The following DNAH11 variants were observed in gnomAD, a reference collection of about 807,000 sequenced individuals.
DNAH11 encodes the protein dynein axonemal heavy chain 11, also known as axonemal beta dynein heavy chain 11.
DNAH11 carries 442 observed loss-of-function variants against 526.0 expected under a neutral mutation model. That is an observed-to-expected ratio of 0.84 (90% CI 0.78 to 0.91). The LOEUF is 0.91. Ranked by LOEUF, DNAH11 falls within the 40% of genes least tolerant of loss-of-function variation. The probability of loss-of-function intolerance (pLI) is 0.00; values close to 1 mark genes in which losing one functional copy is unlikely to be tolerated. For missense variants in DNAH11, 6,989 were observed against 5,448.7 expected (o/e 1.28, Z -8.90); for synonymous variants, 2,461 against 1,935.9 (o/e 1.27, Z -7.12).
intron 62 of DNAH11, among the ~76,000 whole-genome samples, chr7:21,805,216 C>T (rs1236877585): frequency 6.6e-6 from 1 of 152,164 alleles, no homozygotes; most frequent in East Asian, 1.9e-4. Flanking sequence ...TCTCCACTTG[C>T]TCTGTTAACA....
intron 65 of DNAH11, among the ~76,000 whole-genome samples, chr7:21,824,596 A>G (rs1050978926): frequency 2.0e-5 from 3 of 150,760 alleles, no homozygotes; most frequent in Admixed American, 6.6e-5. Flanking sequence ...GTCAATAAGC[A>G]CATGAAAATA....
intron 54 of DNAH11, among the ~76,000 whole-genome samples, chr7:21,762,394 A>G (rs532976964): frequency 6.6e-6 from 1 of 152,376 alleles, no homozygotes; most frequent in Non-Finnish European, 1.5e-5. Flanking sequence ...CTTGTCAAAT[A>G]AAAGATGCTT....
At chr7:21,688,694 T>C (rs1783487089) in intron 34 of DNAH11, among the ~76,000 whole-genome samples, 1 of 152,234 alleles carries the variant, frequency 6.6e-6, no homozygotes, top group Non-Finnish European at 1.5e-5. Flanking sequence ...CCCAATAGGT[T>C]ATACCTTCAT....
At chr7:21,643,177 AT>A (rs1335503729) in intron 28 of DNAH11, among the ~76,000 whole-genome samples, 2 of 152,052 alleles carry the variant, frequency 1.3e-5, no homozygotes, top group Non-Finnish European at 2.9e-5. Flanking sequence ...ATTCTTTGGT[AT>A]TTTTTTCCCC....
At chr7:21,705,345 T>A (rs1163853566) in intron 38 of DNAH11, 115 bp from the exon 39 acceptor site, 5 of 910,944 alleles carry the variant, frequency 5.5e-6, no homozygotes, top group Non-Finnish European at 8.6e-6. Flanking sequence ...GAACATACTG[T>A]TGTCAGTGGG....
At chr7:21,739,746 C>T in intron 48 of DNAH11, 73 bp downstream of exon 48, 1 of 1,150,848 alleles carries the variant, frequency 8.7e-7, no homozygotes, top group Non-Finnish European at 1.3e-6. Context: ...CTTAGGATTC[C>T]TATGGGACAT....
intron 9 of DNAH11, among the ~76,000 whole-genome samples, chr7:21,584,958 G>A (rs1047967763): frequency 6.6e-6 from 1 of 151,734 alleles, no homozygotes; most frequent in Non-Finnish European, 1.5e-5. Context: ...TAAAAAAAAT[G>A]TAGAGTGAAA....
At chr7:21,624,450 G>C (rs545911202) in intron 25 of DNAH11, among the ~76,000 whole-genome samples, 1 of 152,226 alleles carries the variant, frequency 6.6e-6, no homozygotes, top group South Asian at 2.1e-4. Flanking sequence ...AGTTCTAACA[G>C]TTTTAGGATG....
intron 79 of DNAH11, among the ~76,000 whole-genome samples, chr7:21,898,625 T>C (rs1784616778): frequency 6.6e-6 from 1 of 152,172 alleles, no homozygotes; most frequent in African/African-American, 2.4e-5. Context: ...TTCACTTCTC[T>C]CTTAATTTTA....
Position 21,901,361 on chromosome 7 carries a change from C to CGTGCATTCTTTTTTCAACGCTATCCTTA in DNAH11, c.*109_*136dup. On this transcript the variant is annotated 3_prime_UTR_variant, in exon 82 of 82. Transcript: ENST00000409508. ...TATTCTAACTTTTTAGTAACTCACA[C>CGTGCATTCTTTTTTCAACGCTATCCTTA]GTGCATTCTTTTTTCAACGCTATCC... 1 of 1,359,238 alleles carries CGTGCATTCTTTTTTCAACGCTATCCTTA rather than the reference C, an allele frequency of 7.4e-7. No homozygotes were observed. The highest frequency in any genetic ancestry group is 2.9e-5 in the Admixed American group (1 of 35,072). 84.2% of individuals were successfully genotyped at this position (1,359,238 alleles called of 1,614,324 possible).
At position 21,887,938 on chromosome 7, in the gene DNAH11, C is replaced by G. The variant is rs939483143; in HGVS notation, c.12507+3528C>G. ...AAGGCTGGTCTTTCTCTGCACCATA[C>G]TGCCCTGGCTGGAGTGCTGAGCTGT... On this transcript the variant is annotated intron_variant, in intron 76 of 81. Transcript: ENST00000409508. Among the ~76,000 whole-genome samples, 8 of 152,288 alleles carry G rather than the reference C, an allele frequency of 5.3e-5. No homozygotes were observed. The East Asian group carries it at 1.5e-3, about 29-fold the overall frequency.
In DNAH11 at chr7:21,876,155, T is replaced by C. The variant is rs113726422; in HGVS notation, c.12195+2654T>C. ...CGCCTCGGCATCCGAAGTGCTGGGA[T>C]TACAGGCGTGAGCCACCGCACCTGG... On this transcript the variant is annotated intron_variant, in intron 74 of 81. Coordinates refer to ENST00000409508, the MANE Select transcript of DNAH11 (RefSeq NM_001277115.2). Among the ~76,000 whole-genome samples the C allele has an allele frequency of 6.4e-3, 971 of 152,258 alleles. 15 individuals are homozygous for C. The highest frequency in any genetic ancestry group is 0.021 in the African/African-American group (891 of 41,564).
intron 54 of DNAH11, among the ~76,000 whole-genome samples, chr7:21,757,755 C>T (rs1185532976): frequency 6.6e-6 from 1 of 152,236 alleles, no homozygotes; most frequent in East Asian, 1.9e-4. Context: ...CTGAGACTCT[C>T]AACAAAAAAT....
At chr7:21,550,509 TG>T (rs981830194) in intron 2 of DNAH11, among the ~76,000 whole-genome samples, 5 of 152,192 alleles carry the variant, frequency 3.3e-5, no homozygotes, top group Admixed American at 6.5e-5. Context: ...AGTCTTTTCT[TG>T]GGGCTGTTCT....
intron 49 of DNAH11, among the ~76,000 whole-genome samples, chr7:21,743,564 G>A (rs949406694): frequency 1.3e-5 from 2 of 152,096 alleles, no homozygotes; most frequent in Non-Finnish European, 2.9e-5. Context: ...TTTTGTAACC[G>A]TCTTTTCAGT....
chr7:21,562,642 T>C lies in DNAH11; in HGVS notation c.982+1472T>C, dbSNP rs148120462. Among the ~76,000 whole-genome samples the C allele has an allele frequency of 1.6e-3, 246 of 152,248 alleles. 2 individuals are homozygous for C. The highest frequency in any genetic ancestry group is 5.7e-3 in the African/African-American group (237 of 41,548). On this transcript the variant is annotated intron_variant, in intron 5 of 81. Transcript: ENST00000409508. ...AGAAAGCTCTTCTCAAAGACACACT[T>C]CAGGCATTGTGGAGTCACCACACAT...
chr7:21,670,034 C>A (rs4722045), intron 30 of DNAH11, among the ~76,000 whole-genome samples: 77,268 of 151,894 alleles, frequency 0.51, 19,887 homozygotes, highest in Admixed American at 0.65. Flanking sequence ...TTTTATACAA[C>A]TCTTACATCA....
intron 49 of DNAH11, 128 bp downstream of exon 49, chr7:21,742,294 A>T: frequency 8.7e-7 from 1 of 1,153,346 alleles, no homozygotes; most frequent in Non-Finnish European, 1.2e-6. Context: ...AAAGAGGTTT[A>T]ATTGGCTTAT....
chr7:21,815,079 G>A (rs1010115986), intron 63 of DNAH11, among the ~76,000 whole-genome samples: 1 of 152,070 alleles, frequency 6.6e-6, no homozygotes, highest in Admixed American at 6.6e-5. Flanking sequence ...CAGGAAAAAA[G>A]GGGGAGATTG....
Sources: gnomAD v4.1 joint callset for allele counts (sites outside exome capture counted in the v4.1 genomes callset) on GRCh38, gnomAD v4.1.1 for gene constraint, MANE v1.5 for transcripts, NCBI Gene and HGNC (gene_info 2026-07-23, HGNC 2026-07-21) for gene names.